Variants in VPS13B observed in about 807,000 individuals in gnomAD.
VPS13B encodes vacuolar protein sorting 13 homolog B.
VPS13B carries 285 observed loss-of-function variants against 426.4 expected under a neutral mutation model. That is an observed-to-expected ratio of 0.67 (90% CI 0.61 to 0.74). The LOEUF (loss-of-function observed/expected upper bound fraction) is 0.74. Among genes scored for constraint, VPS13B ranks in the 30% least tolerant of loss-of-function variants. VPS13B has a pLI of 0.00. For missense variants in VPS13B, 4,537 were observed against 4,782.6 expected (o/e 0.95, Z 1.51); for synonymous variants, 1,676 against 1,676.4 (o/e 1.00, Z 0.01).
At chr8:99,572,516 A>G (rs1400884608) in intron 31 of VPS13B, among the ~76,000 whole-genome samples, 2 of 146,314 alleles carry the variant, frequency 1.4e-5, no homozygotes, top group Non-Finnish European at 3.0e-5. Flanking sequence ...AAGTGTTCTC[A>G]TTGTTCAATT....
Position 99,642,219 on chromosome 8 carries a change from A to G in VPS13B, c.5629A>G (p.Arg1877Gly), listed in dbSNP as rs1829398507. ...CACGGTGACAGCAGAAGATCTCTTA[A>G]GGAGCAGCATTTCTTTTCCTTCAGG... The part of the protein sequence containing the change: ...ISTVTAEDLL[R>G]SSISFPSGKK... The change falls in exon 34 of 62, where the codon AGG becomes GGG. Residue 1877 changes from arginine to glycine, a missense_variant. Physicochemically the swap from Arg to Gly is moderately radical, Grantham distance 125. Coordinates refer to ENST00000357162, the MANE Select transcript of VPS13B (RefSeq NM_152564.5). 1 of 1,614,184 alleles carries G rather than the reference A, an allele frequency of 6.2e-7. No homozygotes were observed. The highest frequency in any genetic ancestry group is 2.2e-5 in the East Asian group (1 of 44,886).
At chr8:99,594,030 T>C (rs532331066) in intron 33 of VPS13B, among the ~76,000 whole-genome samples, 4 of 151,936 alleles carry the variant, frequency 2.6e-5, no homozygotes, top group Non-Finnish European at 4.4e-5. Flanking sequence ...CAGATTTACC[T>C]ATGTGACAAA....
chr8:99,377,667 C>G (rs943860038), intron 19 of VPS13B, among the ~76,000 whole-genome samples: 1 of 152,040 alleles, frequency 6.6e-6, no homozygotes, highest in African/African-American at 2.4e-5. Context: ...TAAGTGTTGG[C>G]TGGTCTTAGA....
intron 16 of VPS13B, 112 bp downstream of exon 16, chr8:99,170,275 A>G (rs2132663914): frequency 1.5e-6 from 2 of 1,342,802 alleles, no homozygotes; most frequent in South Asian, 1.3e-5. Context: ...AAAACTTTAG[A>G]AAAAAAATCT....
intron 3 of VPS13B, among the ~76,000 whole-genome samples, chr8:99,039,338 T>G (rs1842875469): frequency 6.6e-6 from 1 of 152,162 alleles, no homozygotes; most frequent in Non-Finnish European, 1.5e-5. Context: ...GATTTTTTCT[T>G]TTTTCAGATT....
intron 39 of VPS13B, among the ~76,000 whole-genome samples, chr8:99,743,611 G>T (rs1052930846): frequency 5.9e-5 from 9 of 152,154 alleles, no homozygotes; most frequent in Non-Finnish European, 1.2e-4. Flanking sequence ...CATGGTACTG[G>T]TTCCAAAATA....
intron 11 of VPS13B, among the ~76,000 whole-genome samples, chr8:99,136,425 A>C (rs550753199): frequency 2.0e-5 from 3 of 152,156 alleles, no homozygotes; most frequent in Admixed American, 2.0e-4. Context: ...TATTAACTAG[A>C]CATGATTAAT....
chr8:99,447,340 G>A (rs1817971625), intron 23 of VPS13B, among the ~76,000 whole-genome samples: 1 of 152,152 alleles, frequency 6.6e-6, no homozygotes, highest in African/African-American at 2.4e-5. Flanking sequence ...TCTATTGAAG[G>A]TTTCATTTTC....
chr8:99,624,740 CT>C (rs1828530225), intron 33 of VPS13B, among the ~76,000 whole-genome samples: 2 of 150,978 alleles, frequency 1.3e-5, no homozygotes, highest in African/African-American at 4.9e-5. Flanking sequence ...TTAACTCTTT[CT>C]TTTCTACCAT....
chr8:99,249,718 C>T (rs928734740), intron 17 of VPS13B, among the ~76,000 whole-genome samples: 16 of 152,220 alleles, frequency 1.1e-4, no homozygotes, highest in African/African-American at 3.6e-4. Context: ...CCACCGCGCC[C>T]GGCCTGAATG....
intron 16 of VPS13B, among the ~76,000 whole-genome samples, chr8:99,176,428 C>T (rs553895199): frequency 1.2e-4 from 19 of 152,228 alleles, no homozygotes; most frequent in African/African-American, 4.3e-4. Flanking sequence ...TGAGCCACCG[C>T]GCCCAGCCCT....
At chr8:99,427,583 C>T (rs201227925) in intron 21 of VPS13B, among the ~76,000 whole-genome samples, 30 of 151,954 alleles carry the variant, frequency 2.0e-4, no homozygotes, top group South Asian at 8.3e-4. Context: ...TTACAAGGGA[C>T]GTGAAGGACC....
At chr8:99,814,473 T>C (rs1377539807) in intron 44 of VPS13B, among the ~76,000 whole-genome samples, 1 of 152,222 alleles carries the variant, frequency 6.6e-6, no homozygotes, top group African/African-American at 2.4e-5. Context: ...ATTAAAGCTG[T>C]ATACATCCTC....
chr8:99,653,337 C>A (rs1829897504), intron 34 of VPS13B, among the ~76,000 whole-genome samples: 1 of 152,002 alleles, frequency 6.6e-6, no homozygotes, highest in Admixed American at 6.6e-5. Flanking sequence ...TTACTTAAAA[C>A]AAATGAAAAT....
chr8:99,081,231 G>C (rs982064655), intron 3 of VPS13B, among the ~76,000 whole-genome samples: 4 of 152,062 alleles, frequency 2.6e-5, no homozygotes, highest in Non-Finnish European at 5.9e-5. Flanking sequence ...CCTCTGCCAG[G>C]TTTTACATCT....
intron 35 of VPS13B, among the ~76,000 whole-genome samples, chr8:99,672,212 G>A (rs190831302): frequency 6.6e-6 from 1 of 152,100 alleles, no homozygotes; most frequent in East Asian, 1.9e-4. Flanking sequence ...CAATAGCATG[G>A]GCACATCAAT....
At position 99,766,759 on chromosome 8, in the gene VPS13B, T is replaced by A; in HGVS notation, c.7051-15T>A. 1 of 1,607,668 alleles carries A rather than the reference T, an allele frequency of 6.2e-7. No homozygotes were observed. Among genetic ancestry groups the A allele is most frequent in the South Asian group, 1.1e-5 (1 of 89,382 alleles). ...TTCTATTTGCAACTTCTAAATTTTT[T>A]TTATTTTAACATAGGTTCCTTGTAG... is the stretch of plus-strand genomic sequence containing the variant. On this transcript the variant is annotated splice_polypyrimidine_tract_variant and intron_variant, in intron 39 of 61. Transcript: ENST00000357162.
At chr8:99,715,539 G>A (rs1406935312) in intron 36 of VPS13B, among the ~76,000 whole-genome samples, 1 of 152,184 alleles carries the variant, frequency 6.6e-6, no homozygotes, top group Admixed American at 6.5e-5. Context: ...TTCAATCTGG[G>A]TGCCTAAAGA....
chr8:99,831,008 T>C (rs1001630653), intron 51 of VPS13B, among the ~76,000 whole-genome samples: 13 of 151,594 alleles, frequency 8.6e-5, no homozygotes, highest in African/African-American at 3.2e-4. Flanking sequence ...TCTGTGTTGG[T>C]CTCGCTGGGA....
Sources: gnomAD v4.1 joint callset for allele counts (sites outside exome capture counted in the v4.1 genomes callset) on GRCh38, gnomAD v4.1.1 for gene constraint, MANE v1.5 for transcripts, NCBI Gene and HGNC (gene_info 2026-07-23, HGNC 2026-07-21) for gene names.